CHORDC1: variants seen among roughly 807,000 people sequenced by gnomAD.
CHORDC1 encodes cysteine and histidine-rich domain-containing protein 1.
In CHORDC1, 25 loss-of-function variants were observed where a neutral mutation model predicts 48.3. The observed-to-expected ratio is 0.52, with a 90% CI of 0.38 to 0.72. CHORDC1 has a LOEUF of 0.72. CHORDC1 is among the 30% of genes least tolerant of loss of function. The pLI, the probability that CHORDC1 is intolerant of heterozygous loss-of-function variation, is 0.00. For synonymous variants in CHORDC1, 128 were observed against 126.4 expected (o/e 1.01, Z -0.09); for missense variants, 317 against 388.7 (o/e 0.82, Z 1.55).
chr11:90,213,967 C>T, intron 4 of CHORDC1, 51 bp downstream of exon 4: 1 of 1,432,176 alleles, frequency 7.0e-7, no homozygotes, highest in Non-Finnish European at 9.6e-7. Flanking sequence ...GTACCATGCA[C>T]AAGTGCTACT....
chr11:90,202,878 G>C lies in CHORDC1; in HGVS notation c.790-3C>G. ...TCAAATACAATATGCACATTTAACT[G>C]AAAAAGATATACACAGTTAATTGAT... On this transcript the variant is annotated splice_polypyrimidine_tract_variant and splice_region_variant and intron_variant, in intron 9 of 10. Coordinates refer to ENST00000320585, the MANE Select transcript of CHORDC1 (RefSeq NM_012124.3). 1 of 1,591,974 alleles carries C rather than the reference G, an allele frequency of 6.3e-7. No homozygotes were observed. Among genetic ancestry groups the C allele is most frequent in the Non-Finnish European group, 8.6e-7 (1 of 1,169,456 alleles).
At position 90,201,382 on chromosome 11, in the gene CHORDC1, C is replaced by A. The variant is rs1857539845; in HGVS notation, c.*1023G>T. On this transcript the variant is annotated 3_prime_UTR_variant, in exon 11 of 11. Transcript: ENST00000320585. ...TATTACCTATATTTAATATAAAGTACAATATATAGTCAACATTGTATCACT... is the reference window on the plus strand; with the variant it reads ...TATTACCTATATTTAATATAAAGTAAAATATATAGTCAACATTGTATCACT... 2 of 151,694 alleles carry A rather than the reference C, an allele frequency of 1.3e-5. No individual in the cohort carries two copies. Among genetic ancestry groups the A allele is most frequent in the Admixed American group, 6.6e-5 (1 of 15,234 alleles). The allele number at this position is 151,694 out of a possible 1,614,324, so 9.4% of individuals were successfully genotyped here. A position where few individuals can be genotyped will look rare whatever the true frequency, so the allele number is the denominator to read the frequency against.
At chr11:90,213,911 C>T (rs1857934252) in intron 4 of CHORDC1, 107 bp downstream of exon 4, 1 of 947,950 alleles carries the variant, frequency 1.1e-6, no homozygotes, top group Non-Finnish European at 1.6e-6. Context: ...AGCTTGGTGG[C>T]CTACATAGTA....
intron 1 of CHORDC1, among the ~76,000 whole-genome samples, chr11:90,219,684 C>G (rs1207616133): frequency 1.3e-5 from 2 of 152,198 alleles, no homozygotes; most frequent in Non-Finnish European, 2.9e-5. Context: ...GTAAGGAATA[C>G]TTTTAGTAAA....
intron 6 of CHORDC1, chr11:90,207,125 T>G (rs1192387624): frequency 4.9e-6 from 1 of 205,756 alleles, no homozygotes; most frequent in East Asian, 1.2e-4. Context: ...CTTCAGCATC[T>G]CCTCTCCCTC....
At chr11:90,220,701 A>G (rs1858148037) in intron 1 of CHORDC1, among the ~76,000 whole-genome samples, 1 of 152,134 alleles carries the variant, frequency 6.6e-6, no homozygotes, top group African/African-American at 2.4e-5. Context: ...TTTAATATCC[A>G]TCCTTTCTTT....
intron 6 of CHORDC1, chr11:90,207,761 C>CAAAAAAAAAAAAAAAAAAAAAAAAAAAA (rs71055890): frequency 1.5e-4 from 8 of 52,762 alleles, no homozygotes; most frequent in Non-Finnish European, 2.2e-4. Flanking sequence ...GGTTAAAATA[C>CAAAAAAAAAAAAAAAAAAAAAAAAAAAA]AAAAAAAAAA....
intron 8 of CHORDC1, among the ~76,000 whole-genome samples, chr11:90,204,803 C>T (rs1857630441): frequency 1.3e-5 from 2 of 151,978 alleles, no homozygotes; most frequent in African/African-American, 4.8e-5. Context: ...TTATAAAATA[C>T]ATTAACAATA....
Position 90,211,680 on chromosome 11 carries a change from A to G in CHORDC1, c.330-362T>C, listed in dbSNP as rs79239101. On this transcript the variant is annotated intron_variant, in intron 4 of 10. Coordinates refer to ENST00000320585, the MANE Select transcript of CHORDC1 (RefSeq NM_012124.3). The stretch of plus-strand genomic sequence containing the variant: ...CTTTTACATCCCATGCCCAAGCTCA[A>G]TGCTGAGCACATAATAAACATGAAA... The G allele has an allele frequency of 7.5e-5, 14 of 187,538 alleles. No individual in the cohort carries two copies. In the East Asian group the frequency reaches 2.3e-3, roughly 30 times the overall value. The allele number at this position is 187,538 out of a possible 1,614,324, so 11.6% of individuals were successfully genotyped here.
chr11:90,222,595 G>GGC, intron 1 of CHORDC1: 1 of 629,002 alleles, frequency 1.6e-6, no homozygotes, highest in South Asian at 1.5e-5. Flanking sequence ...CTAAATTCCA[G>GGC]GCGACTTAAA....
At chr11:90,222,791 G>C (rs1184597510) in intron 1 of CHORDC1, 100 bp downstream of exon 1, 2 of 1,119,118 alleles carry the variant, frequency 1.8e-6, no homozygotes, top group Admixed American at 3.9e-5. Context: ...GGGGCCGCGC[G>C]AGGACGGCTG....
At chr11:90,210,076 A>G (rs1857818597) in intron 6 of CHORDC1, among the ~76,000 whole-genome samples, 1 of 152,204 alleles carries the variant, frequency 6.6e-6, no homozygotes, top group Non-Finnish European at 1.5e-5. Context: ...CCAGGTTTAC[A>G]TAATCCATCC....
intron 1 of CHORDC1, among the ~76,000 whole-genome samples, chr11:90,219,756 A>T (rs1858118123): frequency 6.6e-6 from 1 of 152,088 alleles, no homozygotes. Context: ...TCCTTACTAT[A>T]TATTTCTGTG....
chr11:90,210,767 C>A (rs1046639896), intron 5 of CHORDC1, 173 bp from the exon 6 acceptor site: 8 of 577,220 alleles, frequency 1.4e-5, no homozygotes, highest in Non-Finnish European at 2.1e-5. Context: ...CTTTTGAGGA[C>A]CTGGTGTCTT....
intron 8 of CHORDC1, among the ~76,000 whole-genome samples, chr11:90,205,098 GGTC>G (rs148876152): frequency 0.13 from 19,038 of 151,856 alleles, 1,257 homozygotes; most frequent in South Asian, 0.18. Context: ...GAATAACAGA[GGTC>G]TAAACGTTTA....
At chr11:90,211,546 T>C (rs957348431) in intron 4 of CHORDC1, 13 of 377,688 alleles carry the variant, frequency 3.4e-5, no homozygotes, top group Non-Finnish European at 5.3e-5. Flanking sequence ...ATAATCACGC[T>C]ATTGTCAGCA....
intron 6 of CHORDC1, chr11:90,208,764 C>A (rs910848104): frequency 6.6e-6 from 1 of 152,098 alleles, no homozygotes; most frequent in Admixed American, 6.6e-5. Flanking sequence ...TTGTGAAAAT[C>A]CCTTGAGCTA....
In CHORDC1 at chr11:90,211,270, T is replaced by C. The variant is rs1212787159; in HGVS notation, c.378A>G (p.Leu126=). The change falls in exon 5 of 11, where the codon CTA becomes CTG. Residue 126 remains leucine (L), a synonymous_variant. Coordinates refer to ENST00000320585, the MANE Select transcript of CHORDC1 (RefSeq NM_012124.3). ...GTTTAAGTTTATCAAGTGCTTGTTTTAGGGAGGCAGATATTTTTAATTCCA... is the reference window on the plus strand; with the variant it reads ...GTTTAAGTTTATCAAGTGCTTGTTTCAGGGAGGCAGATATTTTTAATTCCA... ...TNLELKISAS[L]KQALDKLKLS... 3 of 1,609,850 alleles carry C rather than the reference T, an allele frequency of 1.9e-6. No individual in the cohort carries two copies. Among genetic ancestry groups the C allele is most frequent in the South Asian group, 2.2e-5 (2 of 90,850 alleles).
chr11:90,207,169 A>G (rs566159873), intron 6 of CHORDC1: 1 of 166,660 alleles, frequency 6.0e-6, no homozygotes, highest in African/African-American at 2.4e-5. Flanking sequence ...AATCTCATCA[A>G]TTTGACTTGA....
Sources: gnomAD v4.1 joint callset for allele counts (sites outside exome capture counted in the v4.1 genomes callset) on GRCh38, gnomAD v4.1.1 for gene constraint, MANE v1.5 for transcripts, NCBI Gene and HGNC (gene_info 2026-07-23, HGNC 2026-07-21) for gene names.